AOPEP: variants seen among roughly 807,000 people sequenced by gnomAD.
AOPEP encodes the protein aminopeptidase O.
AOPEP carries 77 observed loss-of-function variants against 98.1 expected under a neutral mutation model. That is an observed-to-expected ratio of 0.78 (90% CI 0.65 to 0.95). The LOEUF (loss-of-function observed/expected upper bound fraction) is 0.95. Ranked by LOEUF, AOPEP falls within the 40% of genes least tolerant of loss-of-function variation. The pLI is 0.00. For missense variants in AOPEP, 1,024 were observed against 1,024.7 expected (o/e 1.00, Z 0.01); for synonymous variants, 346 against 365.3 (o/e 0.95, Z 0.60).
At position 94,848,784 on chromosome 9, in the gene AOPEP, C is replaced by T. The variant is rs553642469; in HGVS notation, c.1364+47782C>T. Among the ~76,000 whole-genome samples the T allele has an allele frequency of 4.6e-5, 7 of 152,176 alleles. No individual in the cohort carries two copies. In the South Asian group the frequency reaches 1.2e-3, roughly 27 times the overall value. On this transcript the variant is annotated intron_variant, in intron 5 of 16. Transcript: ENST00000375315. ...AAGCATTATTATAGTGAAGTCTAAA[C>T]ATTTTATTTTGTTTTATTTTTTGAG...
intron 1 of AOPEP, among the ~76,000 whole-genome samples, chr9:94,732,687 G>A (rs925787039): frequency 6.6e-6 from 1 of 152,126 alleles, no homozygotes; most frequent in African/African-American, 2.4e-5. Flanking sequence ...TTGGTGTTTA[G>A]GATCTGGCAC....
At chr9:94,906,876 C>G (rs903497719) in intron 5 of AOPEP, among the ~76,000 whole-genome samples, 6 of 152,172 alleles carry the variant, frequency 3.9e-5, no homozygotes, top group African/African-American at 1.4e-4. Context: ...GTTTGCCCAA[C>G]CCAGTCTTGG....
intron 11 of AOPEP, among the ~76,000 whole-genome samples, chr9:94,981,758 C>T (rs539685798): frequency 1.3e-5 from 2 of 152,272 alleles, no homozygotes; most frequent in East Asian, 3.9e-4. Context: ...GAATGACAAC[C>T]AGGGCCCTGA....
intron 3 of AOPEP, among the ~76,000 whole-genome samples, chr9:94,782,222 A>G (rs562579914): frequency 5.9e-5 from 9 of 152,026 alleles, no homozygotes; most frequent in Non-Finnish European, 1.2e-4. Context: ...GAAAAAGAAA[A>G]TACTCTGCTT....
At chr9:94,727,051 C>T (rs1201055772) in intron 1 of AOPEP, among the ~76,000 whole-genome samples, 1 of 152,236 alleles carries the variant, frequency 6.6e-6, no homozygotes, top group Admixed American at 6.5e-5. Context: ...GTGCCTCCTC[C>T]TTCGTCTCTT....
chr9:94,783,001 C>T (rs1746201344), intron 3 of AOPEP, among the ~76,000 whole-genome samples: 1 of 152,178 alleles, frequency 6.6e-6, no homozygotes, highest in Non-Finnish European at 1.5e-5. Flanking sequence ...TTGGACTTGA[C>T]ATTCATGAAT....
chr9:95,051,176 G>A (rs538412417), intron 13 of AOPEP, among the ~76,000 whole-genome samples: 6 of 140,588 alleles, frequency 4.3e-5, no homozygotes, highest in East Asian at 2.2e-4. Context: ...TGCAACCTCC[G>A]CCTCCCAGGT....
intron 5 of AOPEP, among the ~76,000 whole-genome samples, chr9:94,875,342 A>G (rs142433080): frequency 0.036 from 3,769 of 105,830 alleles, 154 homozygotes; most frequent in African/African-American, 0.099. Flanking sequence ...AGTTTAATTG[A>G]GCAAGAAAAA....
At chr9:95,055,188 T>C (rs1358045041) in intron 13 of AOPEP, among the ~76,000 whole-genome samples, 4 of 152,210 alleles carry the variant, frequency 2.6e-5, no homozygotes, top group African/African-American at 7.2e-5. Context: ...GATATGTGTA[T>C]GTATTATTAA....
intron 13 of AOPEP, among the ~76,000 whole-genome samples, chr9:95,035,514 T>A (rs2064730896): frequency 7.7e-6 from 1 of 129,832 alleles, no homozygotes; most frequent in African/African-American, 2.9e-5. Context: ...ATAATTTTTT[T>A]TTTTTTTTTT....
intron 9 of AOPEP, among the ~76,000 whole-genome samples, chr9:94,965,821 A>G (rs966194866): frequency 1.1e-4 from 17 of 149,894 alleles, no homozygotes; most frequent in Admixed American, 8.6e-4. Context: ...ACTTGGTTCT[A>G]TTGGGAGGCT....
chr9:95,129,948 C>T, the AOPEP span, among the ~76,000 whole-genome samples: 1 of 152,188 alleles, frequency 6.6e-6, no homozygotes, highest in Non-Finnish European at 1.5e-5. Flanking sequence ...CCCAGAATTG[C>T]ATTGTTTATC....
Position 94,759,708 on chromosome 9 carries a change from A to T in AOPEP, c.-76A>T. ...TGTTTTCTTTGATAAGCAGCTATTT[A>T]TGATTCTGGAAGATTAAGGCAGATA... On this transcript the variant is annotated 5_prime_UTR_variant, in exon 2 of 17. It removes an upstream start codon present in the reference 5' UTR. Coordinates refer to ENST00000375315, the MANE Select transcript of AOPEP (RefSeq NM_001193329.3). 1.7e-6 allele frequency: 2 copies of T among 1,162,462 alleles called. No individual in the cohort carries two copies. The highest frequency in any genetic ancestry group is 1.5e-5 in the South Asian group (1 of 64,684). 72.0% of individuals were successfully genotyped at this position (1,162,462 alleles called of 1,614,324 possible).
intron 5 of AOPEP, among the ~76,000 whole-genome samples, chr9:94,813,692 C>A (rs188266785): frequency 6.6e-6 from 1 of 152,344 alleles, no homozygotes; most frequent in East Asian, 1.9e-4. Context: ...GGATCAGGGC[C>A]TGGGCTTCTA....
chr9:94,912,388 C>T (rs956990253), intron 5 of AOPEP, among the ~76,000 whole-genome samples: 4 of 152,066 alleles, frequency 2.6e-5, no homozygotes, highest in African/African-American at 4.8e-5. Context: ...GCCCAGCCCC[C>T]GACCCCCATG....
chr9:94,814,806 G>A (rs1353385918), intron 5 of AOPEP, among the ~76,000 whole-genome samples: 2 of 152,152 alleles, frequency 1.3e-5, no homozygotes, highest in East Asian at 1.9e-4. Context: ...TTGCACTGTC[G>A]GACGTAAGGG....
intron 9 of AOPEP, among the ~76,000 whole-genome samples, chr9:94,964,179 C>T (rs868396709): frequency 3.9e-5 from 6 of 152,182 alleles, no homozygotes; most frequent in South Asian, 2.1e-4. Flanking sequence ...TAGGATTTTG[C>T]GATCCCCTGG....
chr9:95,089,758 A>G (rs1358336011), downstream of AOPEP, among the ~76,000 whole-genome samples: 1 of 152,234 alleles, frequency 6.6e-6, no homozygotes, highest in Admixed American at 6.5e-5. Context: ...GCTGTTTCCC[A>G]GCCTCAGCTC....
intron 5 of AOPEP, among the ~76,000 whole-genome samples, chr9:94,848,461 A>AAG (rs999034237): frequency 1.3e-5 from 2 of 150,844 alleles, no homozygotes; most frequent in Non-Finnish European, 3.0e-5. Context: ...CAAAAAAAAA[A>AAG]AAAAAAAAAA....
Sources: allele counts gnomAD v4.1 joint callset (sites outside exome capture counted in the v4.1 genomes callset), GRCh38; gene constraint gnomAD v4.1.1; transcripts MANE v1.5; gene names NCBI Gene and HGNC (gene_info 2026-07-23, HGNC 2026-07-21).